Variants in DIAPH2 observed in about 807,000 individuals in gnomAD.
The protein encoded by DIAPH2 is protein diaphanous homolog 2.
A neutral mutation model predicts 92.7 loss-of-function variants in DIAPH2; 35 were observed. That is an observed-to-expected ratio of 0.38 (90% CI 0.29 to 0.50). The LOEUF (loss-of-function observed/expected upper bound fraction) is 0.50, where lower values mean the gene tolerates loss of function less well. DIAPH2 is among the 20% of genes least tolerant of loss of function. DIAPH2 has a pLI of 0.94. For missense variants in DIAPH2, 701 were observed against 819.5 expected (o/e 0.86, Z 1.77); for synonymous variants, 301 against 280.4 (o/e 1.07, Z -0.73).
intron 4 of DIAPH2, among the ~76,000 whole-genome samples, chrX:96,791,677 A>G (rs778941078): frequency 1.8e-5 from 2 of 111,040 alleles, no homozygotes; most frequent in Non-Finnish European, 3.8e-5. Context: ...TTGATTAAGT[A>G]GAAGAGGGAT....
intron 22 of DIAPH2, among the ~76,000 whole-genome samples, chrX:97,177,833 A>G (rs1343158526): frequency 9.1e-6 from 1 of 110,448 alleles, no homozygotes; most frequent in Non-Finnish European, 1.9e-5. Context: ...TGACATGCAC[A>G]CTCTGTGCTC....
At chrX:96,793,530 C>T in intron 4 of DIAPH2, 1 of 344,849 alleles carries the variant, frequency 2.9e-6, no homozygotes, top group Non-Finnish European at 5.6e-6. Flanking sequence ...GATCTGGAGG[C>T]TGGGAAGTCC....
chrX:96,939,554 G>GTA (rs368489466), intron 12 of DIAPH2, among the ~76,000 whole-genome samples, 172 bp downstream of exon 12: 2,087 of 51,064 alleles, frequency 0.041, 106 homozygotes, highest in African/African-American at 0.12. Context: ...ATGTATATAT[G>GTA]TATATATATA....
At chrX:97,303,373 T>C (rs958522284) in intron 23 of DIAPH2, among the ~76,000 whole-genome samples, 5 of 112,020 alleles carry the variant, frequency 4.5e-5, no homozygotes, top group Non-Finnish European at 9.4e-5. Flanking sequence ...TTTGTGTATA[T>C]TGTAAGACAT....
At chrX:97,586,757 G>T (rs899260347) in intron 26 of DIAPH2, among the ~76,000 whole-genome samples, 17 of 111,786 alleles carry the variant, frequency 1.5e-4, no homozygotes, top group African/African-American at 4.2e-4. Flanking sequence ...CCTAAGGCTT[G>T]GCTGAGTATT....
intron 4 of DIAPH2, among the ~76,000 whole-genome samples, chrX:96,854,349 C>T (rs1434855785): frequency 3.7e-5 from 4 of 108,200 alleles, no homozygotes; most frequent in Non-Finnish European, 7.7e-5. Flanking sequence ...CCTAGCCTAG[C>T]TTGTTCTATT....
chrX:96,806,368 C>T (rs887281055), intron 4 of DIAPH2, among the ~76,000 whole-genome samples: 1 of 110,543 alleles, frequency 9.0e-6, no homozygotes, highest in Non-Finnish European at 1.9e-5. Flanking sequence ...ATTTCATAGT[C>T]GGGTGTGGTG....
At chrX:97,135,813 G>C (rs1299059726) in intron 21 of DIAPH2, among the ~76,000 whole-genome samples, 2 of 111,648 alleles carry the variant, frequency 1.8e-5, no homozygotes, top group Non-Finnish European at 3.8e-5. Context: ...AAGTGCCTGA[G>C]TTATAGGCAC....
chrX:97,016,064 C>T (rs543592195), intron 17 of DIAPH2, among the ~76,000 whole-genome samples: 2 of 111,858 alleles, frequency 1.8e-5, no homozygotes, highest in African/African-American at 6.5e-5. Flanking sequence ...CGAATATATC[C>T]TCAGAATACT....
chrX:97,003,901 T>A (rs2066161771), intron 17 of DIAPH2, among the ~76,000 whole-genome samples: 1 of 111,947 alleles, frequency 8.9e-6, no homozygotes, highest in South Asian at 3.7e-4. Context: ...CTAGACAGTT[T>A]TCCCAATTTT....
chrX:97,213,093 A>G (rs1378051507), intron 22 of DIAPH2, among the ~76,000 whole-genome samples: 2 of 111,944 alleles, frequency 1.8e-5, no homozygotes, highest in African/African-American at 3.2e-5. Context: ...TTGATAATAG[A>G]TCAATGTTCT....
chrX:96,711,803 C>T (rs1347796247), intron 1 of DIAPH2, among the ~76,000 whole-genome samples: 11 of 110,489 alleles, frequency 1.0e-4, no homozygotes, highest in African/African-American at 3.6e-4. Context: ...TCTGCTGTTG[C>T]TGTGTTTATC....
chrX:96,728,457 C>T (rs1404911831), intron 1 of DIAPH2, among the ~76,000 whole-genome samples: 5 of 111,461 alleles, frequency 4.5e-5, no homozygotes, highest in Non-Finnish European at 7.5e-5. Flanking sequence ...GTGACCCACC[C>T]GCCTTGGCCT....
At chrX:97,087,955 G>T (rs1411085608) in intron 19 of DIAPH2, among the ~76,000 whole-genome samples, 1 of 110,923 alleles carries the variant, frequency 9.0e-6, no homozygotes, top group African/African-American at 3.3e-5. Flanking sequence ...CACCTCCCAT[G>T]CCCATAGGAC....
intron 26 of DIAPH2, among the ~76,000 whole-genome samples, chrX:97,461,691 GGCTAAACC>G (rs1302316449): frequency 9.0e-6 from 1 of 111,350 alleles, no homozygotes; most frequent in Non-Finnish European, 1.9e-5. Flanking sequence ...ATGATGGACA[GGCTAAACC>G]AAAACTCATA....
chrX:96,890,432 T>G (rs5967307), intron 5 of DIAPH2, among the ~76,000 whole-genome samples: 9,382 of 111,384 alleles, frequency 0.084, 382 homozygotes, highest in Middle Eastern at 0.13. Context: ...TATAAATGTA[T>G]TTAACCACCC....
intron 25 of DIAPH2, among the ~76,000 whole-genome samples, chrX:97,390,382 G>A (rs2069647435): frequency 9.2e-6 from 1 of 108,702 alleles, no homozygotes; most frequent in African/African-American, 3.4e-5. Context: ...ACCATGCCCA[G>A]CTAATTTTTG....
chrX:97,172,086 A>G (rs906527749), intron 22 of DIAPH2, among the ~76,000 whole-genome samples: 1 of 112,068 alleles, frequency 8.9e-6, no homozygotes, highest in African/African-American at 3.2e-5. Context: ...ATGTCTATGC[A>G]TGTCTGTGTT....
At chrX:97,318,683 C>T (rs926047471) in intron 23 of DIAPH2, among the ~76,000 whole-genome samples, 2 of 107,544 alleles carry the variant, frequency 1.9e-5, no homozygotes, top group African/African-American at 6.8e-5. Flanking sequence ...CAAAGTTTCA[C>T]CATGTTGGCC....
Sources: allele counts gnomAD v4.1 joint callset (sites outside exome capture counted in the v4.1 genomes callset), GRCh38; gene constraint gnomAD v4.1.1; transcripts MANE v1.5; gene names NCBI Gene and HGNC (gene_info 2026-07-23, HGNC 2026-07-21).